Variants in SPATA16 observed in about 807,000 individuals in gnomAD.
The protein encoded by SPATA16 is spermatogenesis associated 16, also known as spermatogenesis-associated protein 16.
In SPATA16, 36 loss-of-function variants were observed where a neutral mutation model predicts 63.3. The ratio of observed to expected loss-of-function variants is 0.57; its 90% CI spans 0.44 to 0.75. SPATA16 has a LOEUF of 0.75. SPATA16 is among the 30% of genes least tolerant of loss of function. The pLI is 0.00. For synonymous variants in SPATA16, 203 were observed against 216.7 expected (o/e 0.94, Z 0.56); for missense variants, 646 against 679.3 (o/e 0.95, Z 0.54).
At chr3:173,056,154 A>T (rs755299167) in intron 2 of SPATA16, among the ~76,000 whole-genome samples, 2 of 152,214 alleles carry the variant, frequency 1.3e-5, no homozygotes, top group Non-Finnish European at 2.9e-5. Context: ...AGAAGCATAC[A>T]TCAGCCCCTC....
chr3:173,006,675 GC>G (rs1414626595), intron 4 of SPATA16, among the ~76,000 whole-genome samples: 1 of 151,980 alleles, frequency 6.6e-6, no homozygotes, highest in Non-Finnish European at 1.5e-5. Context: ...GTTTCTCCCC[GC>G]TTGCTGGTAC....
intron 2 of SPATA16, among the ~76,000 whole-genome samples, chr3:173,060,258 C>A (rs1325569282): frequency 6.6e-6 from 1 of 151,708 alleles, no homozygotes; most frequent in African/African-American, 2.4e-5. Context: ...ACTCCATCCC[C>A]AAAAAAAGAA....
intron 10 of SPATA16, among the ~76,000 whole-genome samples, chr3:172,906,651 G>T (rs1420602726): frequency 3.3e-5 from 5 of 152,192 alleles, no homozygotes; most frequent in African/African-American, 1.2e-4. Flanking sequence ...AAAGAGTTTA[G>T]GCTCCAGGGT....
intron 2 of SPATA16, among the ~76,000 whole-genome samples, chr3:173,056,790 C>T (rs991162037): frequency 2.7e-5 from 4 of 148,320 alleles, no homozygotes; most frequent in Admixed American, 1.3e-4. Context: ...ATACATAGAT[C>T]GCCATTTACA....
At chr3:173,057,223 T>G (rs953400420) in intron 2 of SPATA16, among the ~76,000 whole-genome samples, 2 of 151,794 alleles carry the variant, frequency 1.3e-5, no homozygotes, top group African/African-American at 4.8e-5. Context: ...GCCATTCTCC[T>G]GCCTCAGCCT....
intron 6 of SPATA16, among the ~76,000 whole-genome samples, chr3:172,941,360 G>A (rs1587421): frequency 0.33 from 49,908 of 151,948 alleles, 8,413 homozygotes; most frequent in East Asian, 0.39. Context: ...TGAACACAGT[G>A]ACCAAGCAGG....
chr3:172,991,063 T>C (rs1383783292), intron 4 of SPATA16, among the ~76,000 whole-genome samples: 3 of 152,132 alleles, frequency 2.0e-5, no homozygotes, highest in East Asian at 1.9e-4. Context: ...CTTGATCCCA[T>C]GCTAGGGGTG....
intron 6 of SPATA16, among the ~76,000 whole-genome samples, chr3:172,938,528 G>A (rs770423026): frequency 4.6e-5 from 7 of 152,222 alleles, no homozygotes; most frequent in Middle Eastern, 3.4e-3. Context: ...ATAATAAAGC[G>A]CCTCTAACAA....
intron 4 of SPATA16, among the ~76,000 whole-genome samples, chr3:173,002,078 A>G (rs1369695554): frequency 6.6e-6 from 1 of 152,152 alleles, no homozygotes. Flanking sequence ...GGATGCATAG[A>G]TATTCATTTA....
intron 1 of SPATA16, among the ~76,000 whole-genome samples, chr3:173,130,024 A>G (rs1050674960): frequency 6.6e-6 from 1 of 152,196 alleles, no homozygotes; most frequent in Non-Finnish European, 1.5e-5. Context: ...ATCACTGTAA[A>G]GTATCTTTTG....
intron 4 of SPATA16, among the ~76,000 whole-genome samples, chr3:172,988,856 T>C (rs1734513242): frequency 1.3e-5 from 2 of 152,168 alleles, no homozygotes; most frequent in South Asian, 4.1e-4. Context: ...CAGGCTGGTC[T>C]CGAACTCCTG....
chr3:172,947,505 C>T (rs941020350), intron 6 of SPATA16, among the ~76,000 whole-genome samples: 10 of 150,676 alleles, frequency 6.6e-5, no homozygotes, highest in South Asian at 2.1e-4. Flanking sequence ...GCTTACGTTT[C>T]GCTTGCATTC....
rs142849574 is a variant in SPATA16 at position 173,117,278 on chromosome 3, A to C, written c.454T>G (p.Cys152Gly). 4.8e-5 allele frequency: 78 copies of C among 1,614,084 alleles called. No individual in the cohort carries two copies. The African/African-American group carries it at 9.3e-4, about 19-fold the overall frequency. The stretch of plus-strand genomic sequence containing the variant: ...GGGTCTACTATTTCAGCAGCTTGGC[A>C]TGTTGGCTGACTCCCAGTAGACATG... ...SFMSTGSQPT[C>G]QAAEIVDPLS... Residue 152 changes from cysteine to glycine, a missense_variant, in exon 2 of 11, where the codon TGC becomes GGC. Coordinates refer to ENST00000351008, the MANE Select transcript of SPATA16 (RefSeq NM_031955.6).
chr3:172,921,031 C>T (rs569840105), intron 8 of SPATA16, among the ~76,000 whole-genome samples: 1 of 151,274 alleles, frequency 6.6e-6, no homozygotes, highest in South Asian at 2.1e-4. Flanking sequence ...TATTTCCTAG[C>T]CATTAGTTCC....
chr3:173,098,334 C>T (rs533500738), intron 2 of SPATA16, among the ~76,000 whole-genome samples: 137 of 152,276 alleles, frequency 9.0e-4, no homozygotes, highest in African/African-American at 3.1e-3. Context: ...GCCACGTGCA[C>T]GCATTTGGTA....
chr3:172,898,873 A>G (rs976116740), intron 10 of SPATA16, among the ~76,000 whole-genome samples: 1 of 151,214 alleles, frequency 6.6e-6, no homozygotes, highest in Non-Finnish European at 1.5e-5. Flanking sequence ...TCTCATTGCT[A>G]TTTTACCTGT....
intron 4 of SPATA16, among the ~76,000 whole-genome samples, chr3:173,007,518 T>C (rs1734969630): frequency 6.6e-6 from 1 of 152,192 alleles, no homozygotes; most frequent in African/African-American, 2.4e-5. Context: ...CAATTTGTTG[T>C]TTTTCTTAAA....
At position 173,074,976 on chromosome 3, in the gene SPATA16, G is replaced by A. The variant is rs374117637; in HGVS notation, c.613-25882C>T. On this transcript the variant is annotated intron_variant, in intron 2 of 10. Transcript: ENST00000351008. ...TTGCACCATGCCACTCCAGGTGACA[G>A]AGCAAGACTCTATCTCAAAAAAAAA... 5.2e-3 allele frequency among the ~76,000 whole-genome samples: 626 copies of A among 121,250 alleles called. 6 individuals are homozygous for A. Among genetic ancestry groups the A allele is most frequent in the African/African-American group, 0.017 (517 of 30,458 alleles). 79.5% of individuals were successfully genotyped at this position (121,250 alleles called of 152,430 possible).
At chr3:172,964,866 G>A (rs758275239) in intron 5 of SPATA16, among the ~76,000 whole-genome samples, 4 of 152,130 alleles carry the variant, frequency 2.6e-5, no homozygotes, top group Non-Finnish European at 4.4e-5. Flanking sequence ...GACTTTGAGT[G>A]GAAAGATCAG....
Sources: gnomAD v4.1 joint callset for allele counts (sites outside exome capture counted in the v4.1 genomes callset) on GRCh38, gnomAD v4.1.1 for gene constraint, MANE v1.5 for transcripts, NCBI Gene and HGNC (gene_info 2026-07-23, HGNC 2026-07-21) for gene names.